Variants in LAMA2 observed in about 807,000 individuals in gnomAD.
LAMA2 encodes laminin subunit alpha-2.
A neutral mutation model predicts 364.8 loss-of-function variants in LAMA2; 269 were observed. The ratio of observed to expected loss-of-function variants is 0.74; its 90% CI spans 0.67 to 0.82. The LOEUF is 0.82. Among genes scored for constraint, LAMA2 ranks in the 40% least tolerant of loss-of-function variants. LAMA2 has a pLI of 0.00. For missense variants in LAMA2, 3,807 were observed against 3,873.2 expected, an observed-to-expected ratio of 0.98 and a Z score of 0.45; for synonymous variants, 1,379 against 1,370.6, an observed-to-expected ratio of 1.01 and a Z score of -0.14.
chr6:129,082,869 A>G (rs1466726955), intron 3 of LAMA2, among the ~76,000 whole-genome samples: 1 of 152,030 alleles, frequency 6.6e-6, no homozygotes, highest in East Asian at 1.9e-4. Flanking sequence ...TATTCTTGAA[A>G]CATTTGGTTT....
rs114404530 is a variant in LAMA2, at chr6:129,423,288, A to C, written c.5866-4464A>C. Reference sequence around the variant, plus strand: ...AAGGATATCTGCTTCCATTACTTCCATTTAACATTGTACTAGAGAGACTAA... The same window carrying C: ...AAGGATATCTGCTTCCATTACTTCCCTTTAACATTGTACTAGAGAGACTAA... On this transcript the variant is annotated intron_variant, in intron 40 of 64. Coordinates refer to ENST00000421865, the MANE Select transcript of LAMA2 (RefSeq NM_000426.4). Among the ~76,000 whole-genome samples the C allele has an allele frequency of 8.8e-3, 1,339 of 152,228 alleles. 23 individuals carry two copies. Among genetic ancestry groups the C allele is most frequent in the African/African-American group, 0.031 (1,286 of 41,522 alleles).
At chr6:129,344,418 G>T (rs1409525717) in intron 30 of LAMA2, among the ~76,000 whole-genome samples, 1 of 152,176 alleles carries the variant, frequency 6.6e-6, no homozygotes, top group South Asian at 2.1e-4. Context: ...CCCCAAAAAT[G>T]GTGGTGCTAT....
At chr6:129,471,889 G>T (rs1783830118) in intron 51 of LAMA2, among the ~76,000 whole-genome samples, 1 of 151,798 alleles carries the variant, frequency 6.6e-6, no homozygotes, top group African/African-American at 2.4e-5. Context: ...AGGCAATTGT[G>T]TTTGATTTTA....
intron 11 of LAMA2, among the ~76,000 whole-genome samples, chr6:129,191,167 A>C (rs1781503034): frequency 6.6e-6 from 1 of 152,182 alleles, no homozygotes; most frequent in African/African-American, 2.4e-5. Flanking sequence ...TTTTACTTGG[A>C]GTGTCATTGA....
intron 1 of LAMA2, among the ~76,000 whole-genome samples, chr6:128,895,736 C>A (rs1776735020): frequency 2.0e-5 from 3 of 152,076 alleles, no homozygotes; most frequent in Admixed American, 2.0e-4. Flanking sequence ...TTGCTGAGCT[C>A]CTGAACTCAC....
At chr6:129,259,856 C>T (rs1256532615) in intron 14 of LAMA2, among the ~76,000 whole-genome samples, 1 of 152,050 alleles carries the variant, frequency 6.6e-6, no homozygotes, top group East Asian at 1.9e-4. Flanking sequence ...GGATATAAAT[C>T]TTGGTCTATT....
At chr6:129,396,301 C>T (rs552987466) in intron 37 of LAMA2, among the ~76,000 whole-genome samples, 26 of 152,232 alleles carry the variant, frequency 1.7e-4, no homozygotes, top group African/African-American at 5.8e-4. Flanking sequence ...ACATGTCAAC[C>T]TTTCACTCTA....
chr6:129,071,138 T>A, intron 3 of LAMA2, among the ~76,000 whole-genome samples: 1 of 152,224 alleles, frequency 6.6e-6, no homozygotes. Flanking sequence ...ATTTCTTATA[T>A]TTTCAGTTTA....
chr6:129,437,470 T>C (rs1781890089), intron 41 of LAMA2, among the ~76,000 whole-genome samples: 1 of 151,990 alleles, frequency 6.6e-6, no homozygotes, highest in Non-Finnish European at 1.5e-5. Context: ...GAACAACTTC[T>C]CTTTCTTGGT....
chr6:129,213,560 A>G (rs1278591348), intron 12 of LAMA2, among the ~76,000 whole-genome samples: 2 of 152,224 alleles, frequency 1.3e-5, no homozygotes, highest in African/African-American at 4.8e-5. Flanking sequence ...TGTTTTAGAC[A>G]TCAGCTATTC....
intron 2 of LAMA2, among the ~76,000 whole-genome samples, chr6:129,056,488 G>A (rs1176572116): frequency 6.6e-6 from 1 of 152,090 alleles, no homozygotes; most frequent in Non-Finnish European, 1.5e-5. Context: ...AGTCCAGCCA[G>A]CTGTTAAGTT....
At position 129,445,671 on chromosome 6, in the gene LAMA2, C is replaced by T. The variant is rs141190803; in HGVS notation, c.6279C>T (p.Ala2093=). The T allele has an allele frequency of 6.7e-4, 1,081 of 1,613,644 alleles. No individual in the cohort carries two copies. The highest frequency in any genetic ancestry group is 4.7e-3 in the African/African-American group (355 of 74,984). The change falls in exon 45 of 65, where the codon GCC becomes GCT. Residue 2093 remains alanine, a synonymous_variant. Transcript: ENST00000421865. ...CACTAATTTTGTTCTATGCAGTTGCCGATGCAGATGCCACTGTCAAAAATT... is the reference window on the plus strand; with the variant it reads ...CACTAATTTTGTTCTATGCAGTTGCTGATGCAGATGCCACTGTCAAAAATT... The part of the protein sequence containing the change: ...VKDPSKNKII[A]DADATVKNLE...
At chr6:129,066,071 A>G (rs1168103032) in intron 3 of LAMA2, among the ~76,000 whole-genome samples, 143 of 25,756 alleles carry the variant, frequency 5.6e-3, no homozygotes, top group African/African-American at 0.014. Flanking sequence ...TTTGAGACGC[A>G]GTCTCGCTCT....
intron 48 of LAMA2, among the ~76,000 whole-genome samples, chr6:129,457,998 G>A (rs1043809453): frequency 2.6e-5 from 4 of 152,072 alleles, no homozygotes; most frequent in African/African-American, 9.7e-5. Flanking sequence ...TCACTTTGGC[G>A]GGTAGGATTT....
At chr6:129,463,204 G>T (rs17057338) in intron 49 of LAMA2, among the ~76,000 whole-genome samples, 26,423 of 151,870 alleles carry the variant, frequency 0.17, 2,496 homozygotes, top group African/African-American at 0.24. Flanking sequence ...AGACATCAAG[G>T]TTCAAAAGAG....
chr6:129,380,431 C>CT (rs1161342978), intron 34 of LAMA2, among the ~76,000 whole-genome samples: 5 of 152,004 alleles, frequency 3.3e-5, no homozygotes, highest in Non-Finnish European at 7.4e-5. Context: ...CAAAACAGAC[C>CT]AAGTTCTCAC....
chr6:128,967,023 AAACTTTACGC>A (rs113019380), intron 1 of LAMA2, among the ~76,000 whole-genome samples: 3,653 of 152,286 alleles, frequency 0.024, 46 homozygotes, highest in Middle Eastern at 0.031. Context: ...AAGTCCTCAC[AAACTTTACGC>A]AAATTGTTAG....
chr6:129,283,135 G>GA (rs892843275), intron 18 of LAMA2, among the ~76,000 whole-genome samples: 5 of 151,388 alleles, frequency 3.3e-5, no homozygotes, highest in African/African-American at 7.3e-5. Flanking sequence ...TTAAACAAAG[G>GA]AAAAAAAAGA....
intron 1 of LAMA2, among the ~76,000 whole-genome samples, chr6:128,927,231 T>G (rs542062284): frequency 6.6e-6 from 1 of 152,212 alleles, no homozygotes; most frequent in Non-Finnish European, 1.5e-5. Flanking sequence ...CTTTTCTTGA[T>G]AACAAATGCA....
Sources: allele counts gnomAD v4.1 joint callset (sites outside exome capture counted in the v4.1 genomes callset), GRCh38; gene constraint gnomAD v4.1.1; transcripts MANE v1.5; gene names NCBI Gene and HGNC (gene_info 2026-07-23, HGNC 2026-07-21).